Variants in ROBO2 observed in about 807,000 individuals in gnomAD.
ROBO2 encodes the protein roundabout homolog 2.
A neutral mutation model predicts 160.8 loss-of-function variants in ROBO2; 53 were observed. The observed-to-expected ratio is 0.33, with a 90% CI of 0.26 to 0.41. The LOEUF is 0.41. Among genes scored for constraint, ROBO2 ranks in the 10% least tolerant of loss-of-function variants. ROBO2 has a pLI of 1.00. For missense variants in ROBO2, 1,577 were observed against 1,722.4 expected, an observed-to-expected ratio of 0.92 and a Z score of 1.49; for synonymous variants, 664 against 611.7, an observed-to-expected ratio of 1.09 and a Z score of -1.26.
intron 2 of ROBO2, among the ~76,000 whole-genome samples, chr3:76,258,965 G>T (rs370538218): frequency 5.9e-5 from 9 of 151,932 alleles, no homozygotes; most frequent in African/African-American, 2.2e-4. Flanking sequence ...AACTTTTCTT[G>T]GCCCCAATGG....
chr3:76,682,193 G>T (rs552983416), intron 2 of ROBO2, among the ~76,000 whole-genome samples: 2 of 152,228 alleles, frequency 1.3e-5, no homozygotes, highest in South Asian at 4.1e-4. Flanking sequence ...AAGAAAAAGG[G>T]AGAAATCAAG....
chr3:76,132,966 T>A lies in ROBO2; in HGVS notation c.109+195364T>A, dbSNP rs140737167. ...ACCCTTGGACTGTCTTGGCCTCTGT[T>A]CCCTCATCTATAAAGTGGGGCTGCA... On this transcript the variant is annotated intron_variant, in intron 2 of 26. Coordinates refer to the ROBO2 transcript ENST00000487694. Among the ~76,000 whole-genome samples, 371 of 152,222 alleles carry A rather than the reference T, an allele frequency of 2.4e-3. 1 individual carries two copies. The highest frequency in any genetic ancestry group is 7.4e-3 in the African/African-American group (309 of 41,572).
chr3:76,779,327 T>C (rs2062482434), intron 2 of ROBO2, among the ~76,000 whole-genome samples: 1 of 150,988 alleles, frequency 6.6e-6, no homozygotes, highest in African/African-American at 2.4e-5. Context: ...GCCTCCTTTA[T>C]TATTATTACT....
At chr3:76,460,632 C>T (rs1460367207) in intron 2 of ROBO2, among the ~76,000 whole-genome samples, 3 of 152,180 alleles carry the variant, frequency 2.0e-5, no homozygotes, top group Non-Finnish European at 4.4e-5. Flanking sequence ...TTGCCAGCCA[C>T]GTGAGTGAGC....
intron 2 of ROBO2, among the ~76,000 whole-genome samples, chr3:76,885,984 A>G (rs773436667): frequency 1.1e-4 from 17 of 152,168 alleles, no homozygotes; most frequent in Non-Finnish European, 1.8e-4. Flanking sequence ...AACCTGTCAC[A>G]GTGGAAACTG....
intron 2 of ROBO2, among the ~76,000 whole-genome samples, chr3:77,207,369 A>T (rs1395300434): frequency 6.6e-6 from 1 of 152,190 alleles, no homozygotes; most frequent in African/African-American, 2.4e-5. Context: ...TTTTCATAGT[A>T]AGCGTCAATT....
intron 2 of ROBO2, among the ~76,000 whole-genome samples, chr3:77,238,830 T>C (rs755958726): frequency 1.3e-5 from 2 of 152,188 alleles, no homozygotes; most frequent in Non-Finnish European, 2.9e-5. Flanking sequence ...GGCATCATAG[T>C]GACGTAGATG....
intron 2 of ROBO2, among the ~76,000 whole-genome samples, chr3:76,045,111 A>G (rs1163544869): frequency 1.3e-5 from 2 of 151,990 alleles, no homozygotes; most frequent in Non-Finnish European, 2.9e-5. Context: ...TTTTCATCAA[A>G]TCTTGTTTTT....
intron 2 of ROBO2, among the ~76,000 whole-genome samples, chr3:77,204,265 A>G (rs1404712079): frequency 6.6e-6 from 1 of 152,198 alleles, no homozygotes; most frequent in Non-Finnish European, 1.5e-5. Context: ...TAATTCCCTG[A>G]TCATAACATG....
At chr3:76,180,802 T>C (rs1166255863) in intron 2 of ROBO2, among the ~76,000 whole-genome samples, 1 of 152,056 alleles carries the variant, frequency 6.6e-6, no homozygotes, top group Non-Finnish European at 1.5e-5. Context: ...CTTTCAGTGG[T>C]TTTCTATATC....
rs186294514 is a variant in ROBO2 at position 76,239,306 on chromosome 3, A to T, written c.109+301704A>T. Among the ~76,000 whole-genome samples, 81 of 152,200 alleles carry T rather than the reference A, an allele frequency of 5.3e-4. No individual in the cohort carries two copies. In the East Asian group the frequency reaches 0.015, roughly 28 times the overall value. ...CTATTTAATAGAAAAATTCAAAATT[A>T]TCTGGCATGACTTTATATAATATGC... On this transcript the variant is annotated intron_variant, in intron 2 of 26. Coordinates refer to the ROBO2 transcript ENST00000487694.
At chr3:76,594,221 G>A (rs1434590505) in intron 2 of ROBO2, among the ~76,000 whole-genome samples, 1 of 151,984 alleles carries the variant, frequency 6.6e-6, no homozygotes, top group East Asian at 1.9e-4. Flanking sequence ...CTAGTTGAGA[G>A]TAGGATCAGA....
intron 2 of ROBO2, among the ~76,000 whole-genome samples, chr3:76,731,462 C>T (rs976005283): frequency 2.0e-5 from 3 of 151,970 alleles, no homozygotes; most frequent in African/African-American, 4.8e-5. Context: ...ACTTCAAATT[C>T]TCAATTCTAG....
At chr3:76,447,201 G>A (rs1365885453) in intron 2 of ROBO2, among the ~76,000 whole-genome samples, 5 of 151,884 alleles carry the variant, frequency 3.3e-5, no homozygotes, top group Admixed American at 3.3e-4. Flanking sequence ...ACAAGAAAAA[G>A]ACAAACAACC....
chr3:76,871,482 A>G (rs1310496004), intron 2 of ROBO2, among the ~76,000 whole-genome samples: 7 of 145,914 alleles, frequency 4.8e-5, no homozygotes, highest in African/African-American at 1.8e-4. Context: ...TGAACCCGGG[A>G]GGCGGAGCTT....
intron 2 of ROBO2, among the ~76,000 whole-genome samples, chr3:76,794,898 T>C (rs1010706838): frequency 1.3e-5 from 2 of 152,016 alleles, no homozygotes; most frequent in African/African-American, 4.8e-5. Context: ...ACATAATTGT[T>C]TGTATTTTTT....
intron 2 of ROBO2, among the ~76,000 whole-genome samples, chr3:76,013,043 G>A (rs564002413): frequency 2.1e-5 from 3 of 144,866 alleles, no homozygotes; most frequent in East Asian, 2.1e-4. Context: ...GGCTGGGCAC[G>A]GTGGCTTATG....
At chr3:76,207,473 T>C (rs1184380876) in intron 2 of ROBO2, among the ~76,000 whole-genome samples, 1 of 152,196 alleles carries the variant, frequency 6.6e-6, no homozygotes, top group African/African-American at 2.4e-5. Context: ...TAAATTAATT[T>C]GATGTATTAA....
At chr3:76,954,593 G>A (rs1037323253) in intron 2 of ROBO2, among the ~76,000 whole-genome samples, 1 of 152,104 alleles carries the variant, frequency 6.6e-6, no homozygotes, top group African/African-American at 2.4e-5. Flanking sequence ...CAGCATAAAA[G>A]CATGATGAAA....
Sources: allele counts gnomAD v4.1 joint callset (sites outside exome capture counted in the v4.1 genomes callset), GRCh38; gene constraint gnomAD v4.1.1; transcripts MANE v1.5; gene names NCBI Gene and HGNC (gene_info 2026-07-23, HGNC 2026-07-21).